WDFY3: variants seen among roughly 807,000 people sequenced by gnomAD.
WDFY3 encodes WD repeat and FYVE domain-containing protein 3.
In WDFY3, 66 loss-of-function variants were observed where a neutral mutation model predicts 409.6. The ratio of observed to expected loss-of-function variants is 0.16; its 90% CI spans 0.13 to 0.20. WDFY3 has a LOEUF of 0.20. Among genes scored for constraint, WDFY3 ranks in the 10% least tolerant of loss-of-function variants. WDFY3 has a pLI of 1.00. For missense variants in WDFY3, 3,031 were observed against 4,298.1 expected (o/e 0.71, Z 8.24); for synonymous variants, 1,521 against 1,537.1 (o/e 0.99, Z 0.25).
At chr4:84,860,769 G>T in intron 3 of WDFY3, 147 bp from the exon 4 acceptor site, 1 of 776,508 alleles carries the variant, frequency 1.3e-6, no homozygotes, top group Non-Finnish European at 1.8e-6. Context: ...AAAAGACAGA[G>T]AAGCAAAATT....
intron 29 of WDFY3, 88 bp downstream of exon 29, chr4:84,774,732 T>C: frequency 2.1e-6 from 3 of 1,398,330 alleles, no homozygotes; most frequent in Non-Finnish European, 2.9e-6. Context: ...TACACAGTCA[T>C]AAAAACCAAT....
chr4:84,875,561 C>T (rs946122824), intron 3 of WDFY3, among the ~76,000 whole-genome samples: 2 of 152,126 alleles, frequency 1.3e-5, no homozygotes, highest in African/African-American at 4.8e-5. Context: ...GAAACTCTTA[C>T]TTTATGAACT....
intron 1 of WDFY3, among the ~76,000 whole-genome samples, chr4:84,947,609 C>T (rs978610659): frequency 6.7e-6 from 1 of 148,628 alleles, no homozygotes. Flanking sequence ...GTGGCTCACA[C>T]GTGTAAACCC....
At chr4:84,797,227 C>T (rs1296918580) in intron 18 of WDFY3, among the ~76,000 whole-genome samples, 1 of 151,860 alleles carries the variant, frequency 6.6e-6, no homozygotes, top group African/African-American at 2.4e-5. Context: ...CATTTTTTCC[C>T]CATTATTAAT....
intron 3 of WDFY3, among the ~76,000 whole-genome samples, chr4:84,863,633 C>T (rs1400867571): frequency 6.6e-6 from 1 of 152,204 alleles, no homozygotes; most frequent in Non-Finnish European, 1.5e-5. Context: ...ACACCAATAT[C>T]ATGAGGCTCT....
At chr4:84,869,818 C>T (rs1262338505) in intron 3 of WDFY3, among the ~76,000 whole-genome samples, 1 of 152,106 alleles carries the variant, frequency 6.6e-6, no homozygotes, top group Non-Finnish European at 1.5e-5. Flanking sequence ...ATAGACTACT[C>T]CCAGTAAAAA....
At chr4:84,752,194 A>T (rs1225151985) in intron 35 of WDFY3, among the ~76,000 whole-genome samples, 1 of 152,112 alleles carries the variant, frequency 6.6e-6, no homozygotes, top group South Asian at 2.1e-4. Flanking sequence ...GAACCAAGTG[A>T]CAGAGCGAGA....
rs934151197 is a variant in WDFY3 at position 84,816,568 on chromosome 4, T to C, written c.1887+824A>G. On this transcript the variant is annotated intron_variant, in intron 13 of 67. Transcript: ENST00000295888. The stretch of plus-strand genomic sequence containing the variant: ...AGTCAATAAATGTTAGCTACTATTA[T>C]ATCTGGAACTTGGAAATTTTTAAAA... Among the ~76,000 whole-genome samples the C allele has an allele frequency of 5.3e-5, 8 of 152,286 alleles. No individual in the cohort carries two copies. In the South Asian group the frequency reaches 1.4e-3, roughly 28 times the overall value.
intron 29 of WDFY3, among the ~76,000 whole-genome samples, chr4:84,774,075 C>A (rs1324565272): frequency 6.6e-6 from 1 of 152,208 alleles, no homozygotes; most frequent in African/African-American, 2.4e-5. Flanking sequence ...GAGTGACTTA[C>A]AAACTATACA....
chr4:84,947,626 T>G (rs1032467411), intron 1 of WDFY3, among the ~76,000 whole-genome samples: 2 of 149,688 alleles, frequency 1.3e-5, no homozygotes, highest in East Asian at 1.9e-4. Flanking sequence ...ACCCAGCACT[T>G]TGGGAAGCCA....
intron 67 of WDFY3, among the ~76,000 whole-genome samples, chr4:84,675,808 G>A (rs886209885): frequency 2.0e-5 from 3 of 152,212 alleles, no homozygotes; most frequent in East Asian, 1.9e-4. Flanking sequence ...AGTAACGACT[G>A]TGGATGTGTA....
chr4:84,922,200 G>T (rs1428886445), intron 2 of WDFY3, among the ~76,000 whole-genome samples: 2 of 151,896 alleles, frequency 1.3e-5, no homozygotes, highest in Non-Finnish European at 2.9e-5. Flanking sequence ...ACAACAACTA[G>T]ATTTTATAAA....
At chr4:84,852,149 T>C (rs1759116884) in intron 4 of WDFY3, among the ~76,000 whole-genome samples, 1 of 152,176 alleles carries the variant, frequency 6.6e-6, no homozygotes, top group Non-Finnish European at 1.5e-5. Context: ...ATAGAGTTTC[T>C]TGAAAACAAG....
Position 84,914,225 on chromosome 4 carries a change from G to T in WDFY3, c.-131-17215C>A, listed in dbSNP as rs200191189. Reference sequence around the variant, plus strand: ...TCACAAGGTGAGGAGATCAAGACCAGCCTGGCCAACATAGTAAAACCCCGT... The same window carrying T: ...TCACAAGGTGAGGAGATCAAGACCATCCTGGCCAACATAGTAAAACCCCGT... On this transcript the variant is annotated intron_variant, in intron 2 of 67. Transcript: ENST00000295888. Among the ~76,000 whole-genome samples the T allele has an allele frequency of 7.2e-5, 11 of 152,118 alleles. No homozygotes were observed. In the East Asian group the frequency reaches 2.1e-3, roughly 30 times the overall value.
At chr4:84,726,524 G>C (rs1366826595) in intron 45 of WDFY3, among the ~76,000 whole-genome samples, 1 of 152,106 alleles carries the variant, frequency 6.6e-6, no homozygotes, top group East Asian at 1.9e-4. Context: ...AAAAGTTGAA[G>C]ATGCCAGGCT....
At chr4:84,866,159 G>A (rs1235303496) in intron 3 of WDFY3, among the ~76,000 whole-genome samples, 2 of 152,130 alleles carry the variant, frequency 1.3e-5, no homozygotes, top group Non-Finnish European at 1.5e-5. Context: ...TCTCAATGAT[G>A]GGGGAAAAAA....
At chr4:84,709,173 A>G in intron 52 of WDFY3, 120 bp downstream of exon 52, 1 of 1,419,156 alleles carries the variant, frequency 7.0e-7, no homozygotes, top group Non-Finnish European at 9.5e-7. Flanking sequence ...TCTAAAAAGA[A>G]TGAAAATAAA....
intron 4 of WDFY3, among the ~76,000 whole-genome samples, chr4:84,856,844 T>C (rs1394916614): frequency 6.6e-6 from 1 of 152,174 alleles, no homozygotes; most frequent in African/African-American, 2.4e-5. Context: ...TAAGAACTGG[T>C]TGGCTCTAGC....
intron 5 of WDFY3, among the ~76,000 whole-genome samples, chr4:84,845,441 T>C (rs1297707764): frequency 6.6e-6 from 1 of 151,368 alleles, no homozygotes. Context: ...AAATGAGGAG[T>C]TGCTGTTCAA....
Sources: gnomAD v4.1 joint callset for allele counts (sites outside exome capture counted in the v4.1 genomes callset) on GRCh38, gnomAD v4.1.1 for gene constraint, MANE v1.5 for transcripts, NCBI Gene and HGNC (gene_info 2026-07-23, HGNC 2026-07-21) for gene names.